Variants in SAMD12 observed in about 807,000 individuals in gnomAD.
SAMD12 encodes the protein sterile alpha motif domain containing 12.
A neutral mutation model predicts 15.0 loss-of-function variants in SAMD12; 9 were observed. The observed-to-expected ratio is 0.60, with a 90% CI of 0.36 to 1.05. SAMD12 has a LOEUF of 1.05. SAMD12 is among the 50% of genes least tolerant of loss of function. The probability of loss-of-function intolerance (pLI) is 0.01; values close to 1 mark genes in which losing one functional copy is unlikely to be tolerated. For missense variants in SAMD12, 230 were observed against 234.2 expected, an observed-to-expected ratio of 0.98 and a Z score of 0.12; for synonymous variants, 86 against 90.1, an observed-to-expected ratio of 0.96 and a Z score of 0.25.
intron 4 of SAMD12, among the ~76,000 whole-genome samples, chr8:118,347,850 T>C (rs1817744233): frequency 1.3e-5 from 2 of 152,288 alleles, no homozygotes; most frequent in East Asian, 1.9e-4. Flanking sequence ...GAATAACTTA[T>C]CTAATAAGAG....
intron 4 of SAMD12, among the ~76,000 whole-genome samples, chr8:118,222,020 T>C (rs1300281483): frequency 6.6e-6 from 1 of 152,160 alleles, no homozygotes; most frequent in Non-Finnish European, 1.5e-5. Context: ...TAAGTGGTAA[T>C]GAAGGCCCGA....
chr8:118,559,502 C>A, intron 2 of SAMD12, among the ~76,000 whole-genome samples: 1 of 152,198 alleles, frequency 6.6e-6, no homozygotes, highest in East Asian at 1.9e-4. Context: ...TACATCCCTA[C>A]AAGGCTCATC....
intron 2 of SAMD12, among the ~76,000 whole-genome samples, chr8:118,511,035 C>T (rs1434051974): frequency 6.6e-6 from 1 of 152,100 alleles, no homozygotes; most frequent in Non-Finnish European, 1.5e-5. Flanking sequence ...TTTTTCTTCA[C>T]AAAGAACCTC....
the SAMD12 span, among the ~76,000 whole-genome samples, chr8:118,132,970 GTGTATATATATATA>G: frequency 0.04 from 2,715 of 67,458 alleles, 152 homozygotes; most frequent in African/African-American, 0.05. Context: ...ATGTGTGTGT[GTGTATATATATATA>G]TATATATATA....
At chr8:118,321,302 T>C (rs1816267872) in intron 4 of SAMD12, among the ~76,000 whole-genome samples, 2 of 58,666 alleles carry the variant, frequency 3.4e-5, no homozygotes, top group South Asian at 5.8e-4. Flanking sequence ...TTTGTTTTTT[T>C]TTTTTTTGGT....
intron 3 of SAMD12, among the ~76,000 whole-genome samples, chr8:118,398,427 A>G (rs1820700529): frequency 6.6e-6 from 1 of 152,280 alleles, no homozygotes; most frequent in South Asian, 2.1e-4. Flanking sequence ...TAAAAAATAA[A>G]TAAATAAAAT....
chr8:118,366,982 G>A (rs1350864212), intron 4 of SAMD12, among the ~76,000 whole-genome samples: 2 of 151,904 alleles, frequency 1.3e-5, no homozygotes, highest in Non-Finnish European at 2.9e-5. Context: ...GATAAGGATA[G>A]AAGGCTTTAT....
At position 118,226,646 on chromosome 8, in the gene SAMD12, C is replaced by A. The variant is rs1237979143; in HGVS notation, c.434-28914G>T. Among the ~76,000 whole-genome samples the A allele has an allele frequency of 6.6e-5, 10 of 152,176 alleles. 1 individual carries two copies. Among genetic ancestry groups the A allele is most frequent in the Non-Finnish European group, 1.2e-4 (8 of 68,034 alleles). On this transcript the variant is annotated intron_variant, in intron 4 of 4. Transcript: ENST00000409003. ...GAAGCTGGTAATACAAAGATAAGTA[C>A]ATACATAGCCCTGCCCTGGAGAAAG... is the stretch of plus-strand genomic sequence containing the variant.
chr8:118,498,451 G>A (rs1045856756), intron 2 of SAMD12, among the ~76,000 whole-genome samples: 1 of 152,234 alleles, frequency 6.6e-6, no homozygotes, highest in Non-Finnish European at 1.5e-5. Context: ...CACTGCTAGA[G>A]GTATGTGGAT....
the SAMD12 span, among the ~76,000 whole-genome samples, chr8:118,132,970 GTGTATATATATATATA>G: frequency 0.011 from 713 of 67,542 alleles, 39 homozygotes; most frequent in African/African-American, 0.018. Flanking sequence ...ATGTGTGTGT[GTGTATATATATATATA>G]TATATATATA....
intron 3 of SAMD12, among the ~76,000 whole-genome samples, chr8:118,417,994 G>C (rs1287173932): frequency 1.3e-5 from 2 of 152,128 alleles, no homozygotes; most frequent in African/African-American, 2.4e-5. Context: ...ATTCTTGGCT[G>C]GTGCACAGCT....
At chr8:118,267,987 G>T (rs992026601) in intron 4 of SAMD12, among the ~76,000 whole-genome samples, 3 of 152,164 alleles carry the variant, frequency 2.0e-5, no homozygotes, top group African/African-American at 7.2e-5. Flanking sequence ...AGCTATTTGG[G>T]AGGCTGAGGC....
At chr8:118,394,198 T>A (rs1820434669) in intron 3 of SAMD12, among the ~76,000 whole-genome samples, 1 of 152,194 alleles carries the variant, frequency 6.6e-6, no homozygotes, top group African/African-American at 2.4e-5. Flanking sequence ...GCAGGTTACA[T>A]ACTAAAAGCT....
chr8:118,375,275 G>C (rs957425346), downstream of SAMD12, among the ~76,000 whole-genome samples: 2 of 152,132 alleles, frequency 1.3e-5, no homozygotes, highest in Non-Finnish European at 2.9e-5. Flanking sequence ...TGTGGAGTCA[G>C]ACAGACCTGT....
chr8:118,218,454 C>T (rs1002192054), intron 4 of SAMD12, among the ~76,000 whole-genome samples: 4 of 152,064 alleles, frequency 2.6e-5, no homozygotes, highest in African/African-American at 9.7e-5. Context: ...ACTATAATCA[C>T]CATGCTGTGC....
intron 2 of SAMD12, among the ~76,000 whole-genome samples, chr8:118,523,995 C>A (rs1462977267): frequency 6.6e-6 from 1 of 152,144 alleles, no homozygotes; most frequent in Non-Finnish European, 1.5e-5. Flanking sequence ...ATTTCTCCCT[C>A]TTGATGAGAT....
At chr8:118,484,842 C>A (rs1824233079) in intron 2 of SAMD12, among the ~76,000 whole-genome samples, 1 of 152,168 alleles carries the variant, frequency 6.6e-6, no homozygotes, top group African/African-American at 2.4e-5. Context: ...TAAAATGTCA[C>A]ACTCTTCTTT....
chr8:118,170,463 A>G, the SAMD12 span, among the ~76,000 whole-genome samples: 3 of 152,186 alleles, frequency 2.0e-5, no homozygotes, highest in Non-Finnish European at 4.4e-5. Flanking sequence ...TAACAGATCA[A>G]TTTTATTTAT....
chr8:118,407,751 C>CCT (rs1325183415), intron 3 of SAMD12, among the ~76,000 whole-genome samples: 1 of 152,140 alleles, frequency 6.6e-6, no homozygotes, highest in African/African-American at 2.4e-5. Flanking sequence ...AAAAGACATC[C>CCT]TTTCCCTTTG....
Sources: gnomAD v4.1 joint callset for allele counts (sites outside exome capture counted in the v4.1 genomes callset) on GRCh38, gnomAD v4.1.1 for gene constraint, MANE v1.5 for transcripts, NCBI Gene and HGNC (gene_info 2026-07-23, HGNC 2026-07-21) for gene names.